NXPE1: variants seen among roughly 807,000 people sequenced by gnomAD.
NXPE1 encodes neurexophilin and PC-esterase domain family member 1.
A neutral mutation model predicts 33.3 loss-of-function variants in NXPE1; 31 were observed. The ratio of observed to expected loss-of-function variants is 0.93; its 90% confidence interval spans 0.70 to 1.26. The LOEUF (loss-of-function observed/expected upper bound fraction) is 1.26. Among genes scored for constraint, NXPE1 ranks in the 50% most tolerant of loss-of-function variants. NXPE1 has a pLI of 0.00. For missense variants in NXPE1, 661 were observed against 655.6 expected (o/e 1.01, Z -0.09); for synonymous variants, 229 against 231.4 (o/e 0.99, Z 0.09).
At position 114,527,904 on chromosome 11, in the gene NXPE1, TC is replaced by T; in HGVS notation, c.834-4del. ...TCATTTCAACTCCCACTTTGGACCT[TC>T]AAAAAAAAAATAGAACAATAAATTA... On this transcript the variant is annotated splice_region_variant and splice_polypyrimidine_tract_variant and intron_variant, in intron 6 of 8. Transcript: ENST00000534921. 6.5e-7 allele frequency: 1 copy of T among 1,527,638 alleles called. No homozygotes were observed. The highest frequency in any genetic ancestry group is 8.7e-7 in the Non-Finnish European group (1 of 1,145,260). The allele number at this position is 1,527,638 out of a possible 1,614,324, so 94.6% of individuals were successfully genotyped here. A position where few individuals can be genotyped will look rare whatever the true frequency, so the allele number is the denominator to read the frequency against.
exon 6 of NXPE1, chr11:114,530,178 T>A: frequency 6.2e-7 from 1 of 1,600,576 alleles, no homozygotes; most frequent in South Asian, 1.1e-5. Context: ...TACTCACCTG[T>A]GGAAAAGGCT....
At chr11:114,544,357 T>A (rs578163773) in intron 5 of NXPE1, among the ~76,000 whole-genome samples, 1 of 152,178 alleles carries the variant, frequency 6.6e-6, no homozygotes, top group African/African-American at 2.4e-5. Flanking sequence ...ATCAAGACAA[T>A]GCAGTGTTGG....
exon 8 of NXPE1, chr11:114,522,912 G>T: frequency 6.2e-7 from 1 of 1,613,166 alleles, no homozygotes; most frequent in South Asian, 1.1e-5. Flanking sequence ...TAGATCCACT[G>T]ACGTAGTGTA....
chr11:114,540,415 AAAAT>A (rs1427764358), intron 5 of NXPE1, among the ~76,000 whole-genome samples: 1 of 152,252 alleles, frequency 6.6e-6, no homozygotes, highest in African/African-American at 2.4e-5. Context: ...TATGTAAATT[AAAAT>A]AAATACAAAC....
exon 9 of NXPE1, chr11:114,521,702 C>T (rs1459389546): frequency 1.3e-5 from 5 of 370,634 alleles, no homozygotes; most frequent in African/African-American, 6.3e-5. Flanking sequence ...ATTTTCAAAT[C>T]AGCTTAATAA....
intron 5 of NXPE1, among the ~76,000 whole-genome samples, chr11:114,543,148 G>A (rs2135062018): frequency 6.6e-6 from 1 of 152,160 alleles, no homozygotes; most frequent in East Asian, 1.9e-4. Flanking sequence ...TTGAGGTCAG[G>A]AGTTTGAGGC....
chr11:114,521,541 T>C (rs540552821), downstream of NXPE1: 3 of 154,854 alleles, frequency 1.9e-5, no homozygotes, highest in South Asian at 6.1e-4. Flanking sequence ...ATGCCTCTTT[T>C]CTTTTATTGA....
chr11:114,544,700 A>G (rs1262103379), intron 5 of NXPE1, among the ~76,000 whole-genome samples: 1 of 152,172 alleles, frequency 6.6e-6, no homozygotes, highest in Admixed American at 6.5e-5. Flanking sequence ...AGCACAATCC[A>G]TGAAAGAAAA....
rs185893329 is a variant in NXPE1 at position 114,537,399 on chromosome 11, C to T, written c.100-6491G>A. Among the ~76,000 whole-genome samples the T allele has an allele frequency of 1.6e-3, 248 of 152,264 alleles. 2 individuals carry two copies. Among genetic ancestry groups the T allele is most frequent in the South Asian group, 5.2e-3 (25 of 4,814 alleles). ...ACAGGGATGCCCTCTATCAACACTC[C>T]TATTCAACATAGGGTTGGAAGTTCT... is the stretch of plus-strand genomic sequence containing the variant. On this transcript the variant is annotated intron_variant, in intron 5 of 8. Transcript: ENST00000534921.
intron 5 of NXPE1, among the ~76,000 whole-genome samples, chr11:114,546,166 C>T (rs149871802): frequency 1.1e-3 from 172 of 152,202 alleles, no homozygotes; most frequent in Non-Finnish European, 2.1e-3. Flanking sequence ...GTCTGTAAGG[C>T]GAAAGACAAA....
chr11:114,523,780 T>C (rs1366187239), intron 7 of NXPE1, among the ~76,000 whole-genome samples: 2 of 152,190 alleles, frequency 1.3e-5, no homozygotes, highest in African/African-American at 4.8e-5. Flanking sequence ...ATTTCTCCTG[T>C]CATGTTTCCT....
intron 7 of NXPE1, among the ~76,000 whole-genome samples, chr11:114,525,104 G>T (rs933688463): frequency 6.6e-6 from 1 of 151,898 alleles, no homozygotes; most frequent in Non-Finnish European, 1.5e-5. Flanking sequence ...AGATCTGGGG[G>T]TAATGGTGTG....
exon 8 of NXPE1, chr11:114,523,078 T>C: frequency 1.2e-6 from 2 of 1,612,450 alleles, no homozygotes; most frequent in Non-Finnish European, 1.7e-6. Flanking sequence ...ATGTCTCTTC[T>C]ATTTTTTCTC....
At chr11:114,547,666 C>T (rs932578811) in intron 5 of NXPE1, among the ~76,000 whole-genome samples, 23 of 152,230 alleles carry the variant, frequency 1.5e-4, no homozygotes, top group South Asian at 1.0e-3. Flanking sequence ...ACCTAGGAGG[C>T]AGAGGTTGCA....
intron 5 of NXPE1, 62 bp from the exon 6 acceptor site, chr11:114,530,970 A>G (rs1947558146): frequency 2.8e-6 from 4 of 1,436,108 alleles, no homozygotes; most frequent in Admixed American, 5.0e-5. Context: ...TTTACTTATT[A>G]TGAGTTTGAA....
chr11:114,530,785 C>G, exon 6 of NXPE1: 2 of 1,614,142 alleles, frequency 1.2e-6, no homozygotes, highest in Non-Finnish European at 1.7e-6. Context: ...TCTATGATTT[C>G]CTTTATTCTG....
intron 5 of NXPE1, among the ~76,000 whole-genome samples, chr11:114,544,634 A>G (rs529533926): frequency 6.6e-6 from 1 of 152,296 alleles, no homozygotes; most frequent in South Asian, 2.1e-4. Flanking sequence ...AAGAAAACAC[A>G]CATGAAAATC....
At position 114,538,445 on chromosome 11, in the gene NXPE1, A is replaced by C. The variant is rs529030231; in HGVS notation, c.100-7537T>G. Reference sequence around the variant, plus strand: ...TTGACAAATGGGATCTAATTAAACTAAAGAGCTTCTGCACAGCAAAAGAAA... The same window carrying C: ...TTGACAAATGGGATCTAATTAAACTCAAGAGCTTCTGCACAGCAAAAGAAA... On this transcript the variant is annotated intron_variant, in intron 5 of 8. Transcript: ENST00000534921. Among the ~76,000 whole-genome samples, 452 of 152,290 alleles carry C rather than the reference A, an allele frequency of 3.0e-3. 3 individuals carry two copies. Among genetic ancestry groups the C allele is most frequent in the African/African-American group, 0.011 (438 of 41,560 alleles).
intron 1 of NXPE1, among the ~76,000 whole-genome samples, chr11:114,558,436 AT>A (rs1216912143): frequency 6.6e-6 from 1 of 152,110 alleles, no homozygotes; most frequent in Non-Finnish European, 1.5e-5. Flanking sequence ...GTAATTAAAT[AT>A]ATGATGTTGG....
Sources: allele counts gnomAD v4.1 joint callset (sites outside exome capture counted in the v4.1 genomes callset), GRCh38; gene constraint gnomAD v4.1.1; transcripts MANE v1.5; gene names NCBI Gene and HGNC (gene_info 2026-07-23, HGNC 2026-07-21).